The following CREB5 variants were observed in gnomAD, a reference collection of about 807,000 sequenced individuals.
CREB5 encodes cAMP responsive element binding protein 5.
In CREB5, 19 loss-of-function variants were observed where a neutral mutation model predicts 57.1. The ratio of observed to expected loss-of-function variants is 0.33; its 90% CI spans 0.23 to 0.49. The LOEUF is 0.49. CREB5 is among the 20% of genes least tolerant of loss of function. The probability of loss-of-function intolerance (pLI) is 0.99; values close to 1 mark genes in which losing one functional copy is unlikely to be tolerated. For synonymous variants in CREB5, 238 were observed against 238.3 expected (o/e 1.00, Z 0.01); for missense variants, 579 against 671.6 (o/e 0.86, Z 1.52).
chr7:28,419,960 C>T (rs1311576588), intron 1 of CREB5, among the ~76,000 whole-genome samples: 1 of 152,172 alleles, frequency 6.6e-6, no homozygotes, highest in Non-Finnish European at 1.5e-5. Flanking sequence ...AGTGTTTTGG[C>T]ACCATGAAGC....
intron 3 of CREB5, among the ~76,000 whole-genome samples, chr7:28,496,583 C>G (rs916484220): frequency 6.6e-6 from 1 of 152,032 alleles, no homozygotes; most frequent in African/African-American, 2.4e-5. Flanking sequence ...CAGTCCTAAC[C>G]CACTAACCTG....
intron 5 of CREB5, among the ~76,000 whole-genome samples, chr7:28,639,515 G>A (rs1798563688): frequency 6.6e-6 from 1 of 152,056 alleles, no homozygotes; most frequent in Non-Finnish European, 1.5e-5. Flanking sequence ...TTTAATAAAA[G>A]GAATCCATGT....
intron 4 of CREB5, among the ~76,000 whole-genome samples, chr7:28,550,223 C>T (rs1198222148): frequency 6.6e-6 from 1 of 151,916 alleles, no homozygotes; most frequent in Non-Finnish European, 1.5e-5. Context: ...CCTTCTCCTC[C>T]TTCTCTGTCT....
Position 28,507,633 on chromosome 7 carries a change from A to G in CREB5, c.187A>G (p.Thr63Ala), listed in dbSNP as rs764383622. Residue 63 changes from threonine to alanine, a missense_variant, in exon 4 of 11, where the codon ACG becomes GCG. Coordinates refer to ENST00000357727, the MANE Select transcript of CREB5 (RefSeq NM_182898.4). ...GTTTTCAGATCAAACTCCGACCCCA[A>G]CGAGATTCCTGAAGAACTGCGAGGA... ...NMLSDQTPTP[T>A]RFLKNCEEVG... The G allele has an allele frequency of 3.1e-6, 5 of 1,610,692 alleles. No individual in the cohort carries two copies. The highest frequency in any genetic ancestry group is 1.7e-5 in the Admixed American group (1 of 59,866).
At chr7:28,438,898 A>G (rs1789073197) in intron 1 of CREB5, among the ~76,000 whole-genome samples, 1 of 152,200 alleles carries the variant, frequency 6.6e-6, no homozygotes. Context: ...ATACAGGTCC[A>G]ACATTTTTGT....
At chr7:28,589,781 A>AT (rs1400273957) in intron 5 of CREB5, among the ~76,000 whole-genome samples, 15 of 83,244 alleles carry the variant, frequency 1.8e-4, no homozygotes, top group African/African-American at 7.7e-4. Context: ...TGAGTATTCC[A>AT]TTTTTTTCTC....
intron 4 of CREB5, among the ~76,000 whole-genome samples, chr7:28,518,825 G>A (rs1217157942): frequency 6.6e-6 from 1 of 152,246 alleles, no homozygotes; most frequent in African/African-American, 2.4e-5. Context: ...GACTTGGAGT[G>A]TGGTCTGAAC....
intron 2 of CREB5, among the ~76,000 whole-genome samples, chr7:28,492,664 C>G (rs1226582182): frequency 1.3e-5 from 2 of 150,596 alleles, no homozygotes; most frequent in Admixed American, 6.6e-5. Context: ...CAAAAAATGG[C>G]TTATAGATAT....
intron 4 of CREB5, among the ~76,000 whole-genome samples, chr7:28,551,316 T>C (rs1471220383): frequency 6.6e-6 from 1 of 152,186 alleles, no homozygotes; most frequent in Non-Finnish European, 1.5e-5. Context: ...AGTTAATGGC[T>C]TCTTTTGGAA....
chr7:28,675,964 G>T (rs542504908), intron 5 of CREB5, among the ~76,000 whole-genome samples: 1 of 152,098 alleles, frequency 6.6e-6, no homozygotes, highest in Non-Finnish European at 1.5e-5. Context: ...GAGGATTACT[G>T]CCCCAAAGCT....
intron 7 of CREB5, among the ~76,000 whole-genome samples, chr7:28,750,936 A>G (rs1195179115): frequency 6.6e-6 from 1 of 152,138 alleles, no homozygotes; most frequent in African/African-American, 2.4e-5. Context: ...AATTACCCCT[A>G]TGGAACCTTT....
At chr7:28,352,027 A>G (rs1786198236) in intron 1 of CREB5, among the ~76,000 whole-genome samples, 1 of 152,248 alleles carries the variant, frequency 6.6e-6, no homozygotes, top group African/African-American at 2.4e-5. Context: ...TTATTTTTAA[A>G]AAACCAAATA....
chr7:28,789,623 G>C (rs1807544722), intron 7 of CREB5, among the ~76,000 whole-genome samples: 1 of 152,160 alleles, frequency 6.6e-6, no homozygotes, highest in Admixed American at 6.5e-5. Flanking sequence ...ATTAAGCAAA[G>C]AGCAATGGAA....
chr7:28,453,887 T>G (rs1438535676), intron 1 of CREB5, among the ~76,000 whole-genome samples: 1 of 152,152 alleles, frequency 6.6e-6, no homozygotes, highest in Admixed American at 6.5e-5. Flanking sequence ...GAGACAGGTT[T>G]TGTAAACCTT....
intron 1 of CREB5, among the ~76,000 whole-genome samples, chr7:28,406,611 C>T (rs1787585620): frequency 6.6e-6 from 1 of 152,216 alleles, no homozygotes; most frequent in Non-Finnish European, 1.5e-5. Flanking sequence ...GAGGGCATTC[C>T]TAGTGGTGGT....
chr7:28,327,929 T>A (rs567870295), intron 1 of CREB5, among the ~76,000 whole-genome samples: 2 of 152,260 alleles, frequency 1.3e-5, no homozygotes, highest in South Asian at 4.1e-4. Flanking sequence ...AAGTCTGGTT[T>A]TGTTCAGACC....
chr7:28,656,625 C>A lies in CREB5; in HGVS notation c.465-62128C>A, dbSNP rs115946401. Reference sequence around the variant, plus strand: ...GGCCACAGCCTTGGATTTGCACTTTCAACAGTTGTCAGTCCAAGCTCCTGA... The same window carrying A: ...GGCCACAGCCTTGGATTTGCACTTTAAACAGTTGTCAGTCCAAGCTCCTGA... On this transcript the variant is annotated intron_variant, in intron 5 of 10. Coordinates refer to ENST00000357727, the MANE Select transcript of CREB5 (RefSeq NM_182898.4). 3.8e-3 allele frequency among the ~76,000 whole-genome samples: 580 copies of A among 152,278 alleles called. 4 individuals carry two copies. The highest frequency in any genetic ancestry group is 0.013 in the African/African-American group (546 of 41,554).
At chr7:28,722,022 G>A (rs970446727) in intron 6 of CREB5, among the ~76,000 whole-genome samples, 2 of 152,170 alleles carry the variant, frequency 1.3e-5, no homozygotes, top group African/African-American at 4.8e-5. Context: ...CAAGCTCCTG[G>A]TGCAGACAGA....
chr7:28,354,214 TGATCC>T (rs1303202021), intron 1 of CREB5, among the ~76,000 whole-genome samples: 12 of 152,194 alleles, frequency 7.9e-5, no homozygotes, highest in Admixed American at 5.9e-4. Flanking sequence ...TGCAAAGTAT[TGATCC>T]TGGGTGCATC....
Sources: allele counts gnomAD v4.1 joint callset (sites outside exome capture counted in the v4.1 genomes callset), GRCh38; gene constraint gnomAD v4.1.1; transcripts MANE v1.5; gene names NCBI Gene and HGNC (gene_info 2026-07-23, HGNC 2026-07-21).